FZD6: variants seen among roughly 807,000 people sequenced by gnomAD.
FZD6 encodes the protein frizzled-6.
A neutral mutation model predicts 61.4 loss-of-function variants in FZD6; 49 were observed. The observed-to-expected ratio is 0.80, with a 90% CI of 0.63 to 1.01. The LOEUF (loss-of-function observed/expected upper bound fraction) is 1.01, where lower values mean the gene tolerates loss of function less well. Among genes scored for constraint, FZD6 ranks in the 50% least tolerant of loss-of-function variants. The pLI is 0.00. For synonymous variants in FZD6, 265 were observed against 292.2 expected, an observed-to-expected ratio of 0.91 and a Z score of 0.95; for missense variants, 724 against 848.2, an observed-to-expected ratio of 0.85 and a Z score of 1.82.
intron 3 of FZD6, among the ~76,000 whole-genome samples, chr8:103,319,217 G>A (rs1814714351): frequency 6.6e-6 from 1 of 152,186 alleles, no homozygotes; most frequent in Non-Finnish European, 1.5e-5. Context: ...AGCATTTCGG[G>A]CAGTGGGAAT....
chr8:103,300,324 G>A (rs768386963), intron 2 of FZD6, 40 bp downstream of exon 2: 10 of 1,333,636 alleles, frequency 7.5e-6, no homozygotes, highest in Non-Finnish European at 3.2e-6. Flanking sequence ...AGTAGTTTAT[G>A]CTCTGTTCTA....
chr8:103,330,773 A>T (rs1362202281), intron 6 of FZD6, among the ~76,000 whole-genome samples: 1 of 152,206 alleles, frequency 6.6e-6, no homozygotes, highest in East Asian at 1.9e-4. Flanking sequence ...CATTTGTTAA[A>T]CTGAGGACAG....
chr8:103,318,558 G>A (rs1049530024), intron 2 of FZD6, 32 bp from the exon 3 acceptor site: 2 of 1,230,532 alleles, frequency 1.6e-6, no homozygotes, highest in Middle Eastern at 1.9e-4. Context: ...TTATTAAAAT[G>A]TTTTCTAACT....
intron 2 of FZD6, among the ~76,000 whole-genome samples, chr8:103,314,321 C>A (rs908316831): frequency 1.3e-5 from 2 of 152,132 alleles, no homozygotes; most frequent in Non-Finnish European, 2.9e-5. Flanking sequence ...ACCAAAGGAT[C>A]TGATTACCAC....
At chr8:103,329,013 T>TTTTTTA (rs143400765) in intron 5 of FZD6, among the ~76,000 whole-genome samples, 1 of 115,176 alleles carries the variant, frequency 8.7e-6, no homozygotes, top group African/African-American at 3.0e-5. Flanking sequence ...CATTTTAGTT[T>TTTTTTA]TATATATATA....
chr8:103,305,417 G>T (rs909097186), intron 2 of FZD6, among the ~76,000 whole-genome samples: 1 of 152,164 alleles, frequency 6.6e-6, no homozygotes, highest in Non-Finnish European at 1.5e-5. Context: ...TGGATAAACA[G>T]ACTTTTAAGG....
chr8:103,318,768 A>C lies in FZD6; in HGVS notation c.356A>C (p.Glu119Ala). 1 of 1,602,246 alleles carries C rather than the reference A, an allele frequency of 6.2e-7. No homozygotes were observed. The change falls in exon 3 of 7, where the codon GAG (glutamate) becomes GCG (alanine). Residue 119 changes from glutamate (E) to alanine (A), a missense_variant. Coordinates refer to ENST00000358755, the MANE Select transcript of FZD6 (RefSeq NM_003506.4). ...LIDTFGIRWP[E>A]ELECDRLQYC... Reference sequence around the variant, plus strand: ...GACACTTTTGGGATCCGATGGCCTGAGGAGCTTGAATGTGACAGGTAAACA... The same window carrying C: ...GACACTTTTGGGATCCGATGGCCTGCGGAGCTTGAATGTGACAGGTAAACA...
intron 3 of FZD6, among the ~76,000 whole-genome samples, chr8:103,321,962 TCTAA>T (rs1275481833): frequency 3.3e-5 from 5 of 152,186 alleles, no homozygotes; most frequent in African/African-American, 1.2e-4. Flanking sequence ...ATTATGATAG[TCTAA>T]CTTTTTCTCC....
chr8:103,319,856 A>T (rs1032628329), intron 3 of FZD6, among the ~76,000 whole-genome samples: 15 of 152,206 alleles, frequency 9.9e-5, no homozygotes, highest in African/African-American at 3.6e-4. Context: ...AGTGAAGAGG[A>T]AGTAAAGCCA....
intron 2 of FZD6, 144 bp downstream of exon 2, chr8:103,300,428 A>G (rs1359216491): frequency 1.5e-5 from 11 of 718,594 alleles, no homozygotes; most frequent in Non-Finnish European, 2.3e-5. Flanking sequence ...TTGAAAATTA[A>G]ATCCCTCTAC....
chr8:103,318,682 T>C lies in FZD6; in HGVS notation c.270T>C (p.His90=). Residue 90 remains histidine (H), a synonymous_variant, in exon 3 of 7, where the codon CAT becomes CAC. Coordinates refer to ENST00000358755, the MANE Select transcript of FZD6 (RefSeq NM_003506.4). The part of the protein sequence containing the change: ...AFVPTCIEQI[H]VVPPCRKLCE... ...TACCAACCTGCATAGAACAAATTCATGTGGTTCCACCTTGTCGTAAACTTT... is the reference window on the plus strand; with the variant it reads ...TACCAACCTGCATAGAACAAATTCACGTGGTTCCACCTTGTCGTAAACTTT... 1 of 1,606,818 alleles carries C rather than the reference T, an allele frequency of 6.2e-7. No homozygotes were observed. Among genetic ancestry groups the C allele is most frequent in the Non-Finnish European group, 8.5e-7 (1 of 1,173,284 alleles).
intron 2 of FZD6, among the ~76,000 whole-genome samples, chr8:103,310,207 C>G (rs925377232): frequency 6.6e-6 from 1 of 152,150 alleles, no homozygotes; most frequent in Non-Finnish European, 1.5e-5. Flanking sequence ...TAGCCACCTG[C>G]AGATCAAACT....
At chr8:103,308,338 C>G (rs1814399721) in intron 2 of FZD6, among the ~76,000 whole-genome samples, 2 of 152,262 alleles carry the variant, frequency 1.3e-5, no homozygotes, top group South Asian at 4.2e-4. Context: ...TTTCCGGACT[C>G]CTAATACCAG....
intron 2 of FZD6, among the ~76,000 whole-genome samples, chr8:103,317,096 G>C (rs1382262371): frequency 6.6e-6 from 1 of 152,220 alleles, no homozygotes; most frequent in African/African-American, 2.4e-5. Flanking sequence ...GATAGGATGG[G>C]CAGGAATGCC....
rs190469211 is a variant in FZD6, at chr8:103,305,735, C to T, written c.177+5451C>T. On this transcript the variant is annotated intron_variant, in intron 2 of 6. Coordinates refer to ENST00000358755, the MANE Select transcript of FZD6 (RefSeq NM_003506.4). ...TGTTTTAAAGGTAGAAACCTTCCTTCGTGATGTTGCATTGCAGTAGCAGGG... is the reference window on the plus strand; with the variant it reads ...TGTTTTAAAGGTAGAAACCTTCCTTTGTGATGTTGCATTGCAGTAGCAGGG... Among the ~76,000 whole-genome samples, 451 of 152,300 alleles carry T rather than the reference C, an allele frequency of 3.0e-3. 3 individuals carry two copies. Among genetic ancestry groups the T allele is most frequent in the Middle Eastern group, 0.02 (6 of 294 alleles).
chr8:103,332,752 CTGT>C lies in FZD6; in HGVS notation c.*1244_*1246del, dbSNP rs1815179079. ...TCTGTTAAGGCACAAAAACTATGTA[CTGT>C]ATGGGAAATGTTGTAAATATTACCT... On this transcript the variant is annotated 3_prime_UTR_variant, in exon 7 of 7. Transcript: ENST00000358755. 2 of 152,668 alleles carry C rather than the reference CTGT, an allele frequency of 1.3e-5. No individual in the cohort carries two copies. Among genetic ancestry groups the C allele is most frequent in the South Asian group, 4.2e-4 (2 of 4,814 alleles). 9.5% of individuals were successfully genotyped at this position (152,668 alleles called of 1,614,324 possible). A position where few individuals can be genotyped will look rare whatever the true frequency, so the allele number is the denominator to read the frequency against.
chr8:103,314,758 C>G (rs1226506793), intron 2 of FZD6, among the ~76,000 whole-genome samples: 1 of 152,088 alleles, frequency 6.6e-6, no homozygotes, highest in African/African-American at 2.4e-5. Context: ...TTATATTTAC[C>G]TATTAATTTT....
chr8:103,325,459 T>C lies in FZD6; in HGVS notation c.1353T>C (p.Ser451=). ...NRITWEITWV[S]DHCRQYHIPC... is the part of the protein sequence containing the mutation. Reference sequence around the variant, plus strand: ...TTACCTGGGAGATAACTTGGGTCTCTGATCATTGTCGTCAGTACCATATCC... The same window carrying C: ...TTACCTGGGAGATAACTTGGGTCTCCGATCATTGTCGTCAGTACCATATCC... The change falls in exon 4 of 7, where the codon TCT becomes TCC. Residue 451 remains serine (S), a synonymous_variant. Transcript: ENST00000358755. The C allele has an allele frequency of 6.2e-7, 1 of 1,613,718 alleles. No individual in the cohort carries two copies.
chr8:103,324,340 T>C (rs1814875134), intron 3 of FZD6, 141 bp from the exon 4 acceptor site: 1 of 566,414 alleles, frequency 1.8e-6, no homozygotes, highest in Non-Finnish European at 3.0e-6. Flanking sequence ...TCAACTCTTA[T>C]CTGTAATCCA....
Sources: gnomAD v4.1 joint callset for allele counts (sites outside exome capture counted in the v4.1 genomes callset) on GRCh38, gnomAD v4.1.1 for gene constraint, MANE v1.5 for transcripts, NCBI Gene and HGNC (gene_info 2026-07-23, HGNC 2026-07-21) for gene names.